The following KANK1 variants were observed in gnomAD, a reference collection of about 807,000 sequenced individuals.
KANK1 encodes KN motif and ankyrin repeat domain-containing protein 1.
KANK1 carries 109 observed loss-of-function variants against 106.2 expected under a neutral mutation model. That is an observed-to-expected ratio of 1.03 (90% CI 0.88 to 1.20). KANK1 has a LOEUF of 1.20. Ranked by LOEUF, KANK1 falls within the 50% of genes most tolerant of loss-of-function variation. The pLI is 0.00. For synonymous variants in KANK1, 873 were observed against 652.2 expected, an observed-to-expected ratio of 1.34 and a Z score of -5.16; for missense variants, 2,399 against 1,710.7, an observed-to-expected ratio of 1.40 and a Z score of -7.10.
intron 1 of KANK1, among the ~76,000 whole-genome samples, chr9:617,565 A>T (rs1225865185): frequency 2.0e-5 from 3 of 152,132 alleles, no homozygotes; most frequent in African/African-American, 7.2e-5. Flanking sequence ...TATCACCTTT[A>T]CAGCTACTTG....
rs570705539 is a variant in KANK1 at position 573,110 on chromosome 9, T to C, written c.-84+68356T>C. Among the ~76,000 whole-genome samples the C allele has an allele frequency of 6.6e-5, 10 of 152,300 alleles. No individual in the cohort carries two copies. In the South Asian group the frequency reaches 2.1e-3, roughly 32 times the overall value. ...AGTATTCATGATGCTGATATGCTGC[T>C]GCAGTCAGTCAAGTGCTGCGTGAGT... On this transcript the variant is annotated intron_variant, in intron 1 of 11. Coordinates refer to ENST00000382297, the MANE Select transcript of KANK1 (RefSeq NM_015158.5).
intron 1 of KANK1, among the ~76,000 whole-genome samples, chr9:598,229 C>T (rs1341252743): frequency 6.6e-6 from 1 of 151,462 alleles, no homozygotes. Context: ...TATATTTATC[C>T]CTATACTAGT....
intron 1 of KANK1, among the ~76,000 whole-genome samples, chr9:649,809 T>A (rs1435997492): frequency 6.6e-6 from 1 of 152,194 alleles, no homozygotes; most frequent in Admixed American, 6.5e-5. Flanking sequence ...TGTAAAATGC[T>A]TTTGTCCCCC....
chr9:536,018 G>C (rs1405133180), intron 1 of KANK1, among the ~76,000 whole-genome samples: 1 of 152,056 alleles, frequency 6.6e-6, no homozygotes, highest in African/African-American at 2.4e-5. Context: ...TATTCCTGCT[G>C]TAATAAAACC....
chr9:677,580 T>C (rs1816656181), intron 2 of KANK1: 1 of 152,244 alleles, frequency 6.6e-6, no homozygotes, highest in African/African-American at 2.4e-5. Context: ...TTCTGTGAGA[T>C]TCGGGAGAAA....
chr9:667,713 G>A (rs1000884907), intron 1 of KANK1, among the ~76,000 whole-genome samples: 4 of 144,654 alleles, frequency 2.8e-5, no homozygotes, highest in Non-Finnish European at 6.0e-5. Context: ...TAATTTCCAT[G>A]TTTTTGTTTA....
At chr9:481,790 G>C (rs1163843692) in intron 3 of KANK1, among the ~76,000 whole-genome samples, 1 of 151,902 alleles carries the variant, frequency 6.6e-6, no homozygotes, top group Non-Finnish European at 1.5e-5. Context: ...GCTGCAGTGA[G>C]CTATGATCAC....
chr9:498,594 A>G (rs908080864), intron 3 of KANK1, among the ~76,000 whole-genome samples: 3 of 152,162 alleles, frequency 2.0e-5, no homozygotes, highest in Non-Finnish European at 4.4e-5. Context: ...CAATAATAAA[A>G]AGACACATAA....
chr9:523,534 C>G (rs926138272), intron 1 of KANK1, among the ~76,000 whole-genome samples: 4 of 151,760 alleles, frequency 2.6e-5, no homozygotes, highest in African/African-American at 9.7e-5. Flanking sequence ...CTCCTTGTTT[C>G]TATGGGAGGA....
At chr9:502,858 A>G (rs1255504502), upstream of KANK1, among the ~76,000 whole-genome samples, 1 of 151,988 alleles carries the variant, frequency 6.6e-6, no homozygotes, top group African/African-American at 2.4e-5. Context: ...TTTTTGAGAC[A>G]GGGTCACACT....
At chr9:540,691 CCTTA>C (rs1160925930) in intron 1 of KANK1, 1 of 152,160 alleles carries the variant, frequency 6.6e-6, no homozygotes, top group Non-Finnish European at 1.5e-5. Context: ...GATTCAATCT[CCTTA>C]CTTACTATTG....
intron 3 of KANK1, among the ~76,000 whole-genome samples, chr9:726,304 A>C (rs1830618006): frequency 6.6e-6 from 1 of 152,152 alleles, no homozygotes; most frequent in African/African-American, 2.4e-5. Flanking sequence ...ATGTATCATT[A>C]GAGGGAATAA....
At chr9:498,062 C>G (rs774995218) in intron 3 of KANK1, among the ~76,000 whole-genome samples, 6 of 152,170 alleles carry the variant, frequency 3.9e-5, no homozygotes, top group African/African-American at 1.2e-4. Flanking sequence ...AGATTTCTAC[C>G]TGCAGCATAC....
rs375430941 is a variant in KANK1 at position 653,775 on chromosome 9, AAAG to A, written c.-83-23111_-83-23109del. Among the ~76,000 whole-genome samples the A allele has an allele frequency of 4.5e-4, 69 of 152,328 alleles. 2 individuals are homozygous for A. The East Asian group carries it at 7.3e-3, about 16-fold the overall frequency. ...TGCAGATATGTTTTCTTCAAATAAA[AAAG>A]AAGGAGAGGATAGCAACTAGGAAGA... On this transcript the variant is annotated intron_variant, in intron 1 of 11. Coordinates refer to ENST00000382297, the MANE Select transcript of KANK1 (RefSeq NM_015158.5).
At chr9:615,227 C>T (rs575166063) in intron 1 of KANK1, among the ~76,000 whole-genome samples, 3 of 152,244 alleles carry the variant, frequency 2.0e-5, no homozygotes, top group African/African-American at 7.2e-5. Context: ...TGAGCTACCG[C>T]GCCTGGCATA....
intron 1 of KANK1, among the ~76,000 whole-genome samples, chr9:610,711 G>A (rs906754161): frequency 6.6e-6 from 1 of 152,194 alleles, no homozygotes; most frequent in African/African-American, 2.4e-5. Flanking sequence ...TCCAGGAACT[G>A]GAGGCATAGC....
chr9:557,367 G>A (rs568934099), intron 1 of KANK1, among the ~76,000 whole-genome samples: 45 of 152,176 alleles, frequency 3.0e-4, no homozygotes, highest in Non-Finnish European at 3.5e-4. Flanking sequence ...TTAGTGATGG[G>A]TGCATTGTAT....
In KANK1 at chr9:608,012, A is replaced by AATTATT. The variant is rs1205173765; in HGVS notation, c.-83-68859_-83-68854dup. On this transcript the variant is annotated intron_variant, in intron 1 of 11. Coordinates refer to ENST00000382297, the MANE Select transcript of KANK1 (RefSeq NM_015158.5). ...GAAGGAAAGACTAAAAAACTTTCAG[A>AATTATT]ATTATTATTATTATTATTATTATTT... Among the ~76,000 whole-genome samples the AATTATT allele has an allele frequency of 6.1e-4, 75 of 123,378 alleles. 3 individuals are homozygous for AATTATT. The highest frequency in any genetic ancestry group is 2.2e-3 in the African/African-American group (70 of 32,172). The allele number at this position is 123,378 out of a possible 152,430, so 80.9% of individuals were successfully genotyped here.
intron 10 of KANK1, among the ~76,000 whole-genome samples, chr9:743,755 TGGTGGTTGAGGCAG>T (rs763307307): frequency 3.3e-5 from 5 of 152,008 alleles, no homozygotes; most frequent in Non-Finnish European, 7.4e-5. Context: ...TCAGATACCG[TGGTGGTTGAGGCAG>T]GAGAATCACT....
Sources: allele counts gnomAD v4.1 joint callset (sites outside exome capture counted in the v4.1 genomes callset), GRCh38; gene constraint gnomAD v4.1.1; transcripts MANE v1.5; gene names NCBI Gene and HGNC (gene_info 2026-07-23, HGNC 2026-07-21).